The following GLRA3 variants were observed in gnomAD, a reference collection of about 807,000 sequenced individuals.
GLRA3 encodes glycine receptor subunit alpha-3.
In GLRA3, 44 loss-of-function variants were observed where a neutral mutation model predicts 60.4. The ratio of observed to expected loss-of-function variants is 0.73; its 90% confidence interval spans 0.57 to 0.94. The LOEUF is 0.94. Ranked by LOEUF, GLRA3 falls within the 40% of genes least tolerant of loss-of-function variation. The probability of loss-of-function intolerance (pLI) is 0.00; values close to 1 mark genes in which losing one functional copy is unlikely to be tolerated. For missense variants in GLRA3, 508 were observed against 564.6 expected (o/e 0.90, Z 1.02); for synonymous variants, 223 against 192.9 (o/e 1.16, Z -1.29).
At chr4:174,786,471 G>C (rs1461338862) in intron 2 of GLRA3, among the ~76,000 whole-genome samples, 1 of 152,126 alleles carries the variant, frequency 6.6e-6, no homozygotes, top group Non-Finnish European at 1.5e-5. Context: ...AATGTCTTCT[G>C]TTAGGTATTG....
At chr4:174,822,482 T>C (rs1025296194) in intron 1 of GLRA3, among the ~76,000 whole-genome samples, 2 of 152,206 alleles carry the variant, frequency 1.3e-5, no homozygotes, top group African/African-American at 4.8e-5. Context: ...TTTTATTTTT[T>C]ACTAATTAAA....
chr4:174,686,421 AATTT>A (rs1734554132), intron 5 of GLRA3, among the ~76,000 whole-genome samples: 1 of 152,212 alleles, frequency 6.6e-6, no homozygotes, highest in Admixed American at 6.5e-5. Context: ...AATGAAAACT[AATTT>A]ATTCAGGGAA....
chr4:174,644,669 G>A (rs988968232), intron 9 of GLRA3, among the ~76,000 whole-genome samples: 1 of 152,000 alleles, frequency 6.6e-6, no homozygotes, highest in Admixed American at 6.6e-5. Flanking sequence ...GTTTATATAT[G>A]ACTATGTTCC....
At chr4:174,807,863 G>T (rs1464386699) in intron 1 of GLRA3, among the ~76,000 whole-genome samples, 1 of 152,052 alleles carries the variant, frequency 6.6e-6, no homozygotes, top group African/African-American at 2.4e-5. Flanking sequence ...CTGCATAAAT[G>T]CTCTCCTGGA....
chr4:174,773,983 G>A (rs1738495064), intron 2 of GLRA3, among the ~76,000 whole-genome samples: 1 of 151,234 alleles, frequency 6.6e-6, no homozygotes. Flanking sequence ...CAATAGGGAA[G>A]CCTGTTGTTG....
In GLRA3 at chr4:174,642,974, A is replaced by G; in HGVS notation, c.*812T>C. On this transcript the variant is annotated 3_prime_UTR_variant, in exon 10 of 10. Transcript: ENST00000274093. ...CACAATCACATACAGTTAAGTAGCTATTAAAAGTCTAACAAAAACAAGGGT... is the reference window on the plus strand; with the variant it reads ...CACAATCACATACAGTTAAGTAGCTGTTAAAAGTCTAACAAAAACAAGGGT... 1.2e-6 allele frequency: 1 copy of G among 853,498 alleles called. No homozygotes were observed. The highest frequency in any genetic ancestry group is 1.4e-6 in the Non-Finnish European group (1 of 710,222). 52.9% of individuals were successfully genotyped at this position (853,498 alleles called of 1,614,324 possible).
At chr4:174,767,148 AC>A in intron 2 of GLRA3, 118 bp from the exon 3 acceptor site, 4 of 586,822 alleles carry the variant, frequency 6.8e-6, no homozygotes, top group Non-Finnish European at 9.2e-6. Flanking sequence ...ACACACACAC[AC>A]ACACACAGAT....
At chr4:174,644,165 A>G in intron 9 of GLRA3, 101 bp from the exon 10 acceptor site, 1 of 707,008 alleles carries the variant, frequency 1.4e-6, no homozygotes, top group Non-Finnish European at 2.5e-6. Context: ...TAATATTTAC[A>G]TTAATATAAG....
At chr4:174,827,596 GA>G (rs1741029343) in intron 1 of GLRA3, among the ~76,000 whole-genome samples, 1 of 151,686 alleles carries the variant, frequency 6.6e-6, no homozygotes, top group Admixed American at 6.6e-5. Context: ...ATATCAAGAT[GA>G]TTTTTATTGA....
intron 7 of GLRA3, among the ~76,000 whole-genome samples, chr4:174,661,653 CCTAA>C (rs1304241138): frequency 2.6e-5 from 4 of 152,074 alleles, no homozygotes; most frequent in African/African-American, 4.8e-5. Flanking sequence ...TGGCCTTGGT[CCTAA>C]CTAACTATTT....
intron 5 of GLRA3, among the ~76,000 whole-genome samples, chr4:174,712,212 G>T (rs1227578699): frequency 6.6e-6 from 1 of 152,048 alleles, no homozygotes; most frequent in Non-Finnish European, 1.5e-5. Context: ...AGACAAAGTA[G>T]TCTTTTCTAA....
intron 1 of GLRA3, among the ~76,000 whole-genome samples, chr4:174,789,878 G>A (rs1739257209): frequency 6.6e-6 from 1 of 152,114 alleles, no homozygotes; most frequent in Non-Finnish European, 1.5e-5. Context: ...TCCCAGCTCT[G>A]TCATTCAACT....
intron 7 of GLRA3, among the ~76,000 whole-genome samples, chr4:174,665,398 T>A (rs1733627957): frequency 6.6e-6 from 1 of 152,052 alleles, no homozygotes; most frequent in African/African-American, 2.4e-5. Flanking sequence ...CACTTCCACT[T>A]TTTTCAAAGG....
chr4:174,673,730 G>T (rs920850790), intron 7 of GLRA3, among the ~76,000 whole-genome samples: 1 of 152,118 alleles, frequency 6.6e-6, no homozygotes, highest in Admixed American at 6.6e-5. Context: ...CTGAGGGCTG[G>T]ATGTCTTTGG....
chr4:174,691,744 A>G (rs1485298628), intron 5 of GLRA3, among the ~76,000 whole-genome samples: 1 of 151,616 alleles, frequency 6.6e-6, no homozygotes, highest in Non-Finnish European at 1.5e-5. Flanking sequence ...GCTCGCTACA[A>G]CCTCCACCTC....
chr4:174,679,132 C>T (rs1178802376), intron 6 of GLRA3, among the ~76,000 whole-genome samples: 1 of 152,056 alleles, frequency 6.6e-6, no homozygotes, highest in African/African-American at 2.4e-5. Flanking sequence ...GAGATGGAGA[C>T]CAACCTGGCT....
intron 1 of GLRA3, among the ~76,000 whole-genome samples, chr4:174,792,665 T>G (rs77862498): frequency 1.3e-5 from 2 of 152,362 alleles, no homozygotes; most frequent in African/African-American, 4.8e-5. Context: ...CTATTACTGA[T>G]TGCCTTAGGC....
intron 9 of GLRA3, among the ~76,000 whole-genome samples, chr4:174,645,777 A>T (rs1177412213): frequency 1.3e-5 from 2 of 152,162 alleles, no homozygotes. Context: ...CTACTCTTTA[A>T]CAAGCATGTT....
chr4:174,666,759 T>TTA lies in GLRA3; in HGVS notation c.928-7564_928-7563dup, dbSNP rs1282330518. Among the ~76,000 whole-genome samples the TTA allele has an allele frequency of 3.2e-3, 173 of 53,396 alleles. 1 individual carries two copies. The highest frequency in any genetic ancestry group is 0.023 in the African/African-American group (131 of 5,794). The allele number at this position is 53,396 out of a possible 152,430, so 35.0% of individuals were successfully genotyped here. On this transcript the variant is annotated intron_variant, in intron 7 of 9. Coordinates refer to ENST00000274093, the MANE Select transcript of GLRA3 (RefSeq NM_006529.4). ...ATAAGAATATATATATATATATATA[T>TTA]TATATATATATATATATATATAATT...
Sources: gnomAD v4.1 joint callset for allele counts (sites outside exome capture counted in the v4.1 genomes callset) on GRCh38, gnomAD v4.1.1 for gene constraint, MANE v1.5 for transcripts, NCBI Gene and HGNC (gene_info 2026-07-23, HGNC 2026-07-21) for gene names.